The following GRID1 variants were observed in gnomAD, a reference collection of about 807,000 sequenced individuals.
The protein encoded by GRID1 is glutamate receptor ionotropic, delta-1.
A neutral mutation model predicts 98.0 loss-of-function variants in GRID1; 28 were observed. That is an observed-to-expected ratio of 0.29 (90% CI 0.21 to 0.39). GRID1 has a LOEUF of 0.39. Ranked by LOEUF, GRID1 falls within the 10% of genes least tolerant of loss-of-function variation. The pLI is 1.00. For missense variants in GRID1, 1,111 were observed against 1,340.5 expected (o/e 0.83, Z 2.67); for synonymous variants, 553 against 538.5 (o/e 1.03, Z -0.37).
At chr10:86,352,726 C>T (rs954597445) in intron 2 of GRID1, among the ~76,000 whole-genome samples, 2 of 152,186 alleles carry the variant, frequency 1.3e-5, no homozygotes, top group African/African-American at 2.4e-5. Flanking sequence ...CAGTCCATAA[C>T]ACTTCTAGAC....
intron 9 of GRID1, among the ~76,000 whole-genome samples, chr10:85,728,557 G>C (rs1385083853): frequency 6.6e-6 from 1 of 152,222 alleles, no homozygotes; most frequent in Non-Finnish European, 1.5e-5. Context: ...ACCAAGGCCA[G>C]ACCAGAAGCC....
At chr10:86,156,234 T>G (rs1794959199) in intron 3 of GRID1, among the ~76,000 whole-genome samples, 1 of 152,200 alleles carries the variant, frequency 6.6e-6, no homozygotes, top group Non-Finnish European at 1.5e-5. Context: ...AACAGCTCCC[T>G]GCTCTTGTTT....
intron 8 of GRID1, among the ~76,000 whole-genome samples, chr10:85,841,966 C>T (rs925549950): frequency 6.6e-6 from 1 of 152,112 alleles, no homozygotes; most frequent in African/African-American, 2.4e-5. Context: ...CCAGTAATCC[C>T]ATTACTGGGT....
chr10:86,191,055 T>A (rs899848971), intron 3 of GRID1, among the ~76,000 whole-genome samples: 3 of 152,220 alleles, frequency 2.0e-5, no homozygotes, highest in Admixed American at 1.3e-4. Context: ...TCTAACCTAG[T>A]TGCTGAATCG....
In GRID1 at chr10:86,123,616, T is replaced by C. The variant is rs74738258; in HGVS notation, c.726+15203A>G. Among the ~76,000 whole-genome samples the C allele has an allele frequency of 1.9e-4, 29 of 152,254 alleles. No individual in the cohort carries two copies. The East Asian group carries it at 5.4e-3, about 28-fold the overall frequency. On this transcript the variant is annotated intron_variant, in intron 4 of 15. Transcript: ENST00000327946. ...GGTAGCAGCCCTGCCTGATTCTCAT[T>C]AGGTGATGAGCGGAAGGTTTGTGTG...
At chr10:86,048,739 T>C (rs1337898085) in intron 4 of GRID1, among the ~76,000 whole-genome samples, 1 of 152,254 alleles carries the variant, frequency 6.6e-6, no homozygotes, top group African/African-American at 2.4e-5. Flanking sequence ...ACTCACTTTT[T>C]ATTCAGGACA....
intron 2 of GRID1, among the ~76,000 whole-genome samples, chr10:86,207,313 CA>C (rs1245026172): frequency 6.6e-6 from 1 of 152,150 alleles, no homozygotes; most frequent in African/African-American, 2.4e-5. Flanking sequence ...AAGGATTATT[CA>C]AAAGCCACTT....
At chr10:85,785,852 A>C (rs1363740373) in intron 8 of GRID1, among the ~76,000 whole-genome samples, 1 of 152,016 alleles carries the variant, frequency 6.6e-6, no homozygotes, top group African/African-American at 2.4e-5. Context: ...ACAGCAGCCC[A>C]AAGTGCATTA....
chr10:85,738,880 A>G (rs147615864), intron 8 of GRID1, among the ~76,000 whole-genome samples: 112 of 152,280 alleles, frequency 7.4e-4, no homozygotes, highest in African/African-American at 2.6e-3. Context: ...GGAAGGTGGG[A>G]CATTTGGGGC....
intron 8 of GRID1, among the ~76,000 whole-genome samples, chr10:85,790,811 C>T (rs1392836842): frequency 6.6e-6 from 1 of 152,240 alleles, no homozygotes; most frequent in East Asian, 1.9e-4. Flanking sequence ...TCCTCACAAC[C>T]TCTCAAGTGC....
chr10:86,128,446 C>G (rs1024067893), intron 4 of GRID1, among the ~76,000 whole-genome samples: 2 of 152,200 alleles, frequency 1.3e-5, no homozygotes, highest in Non-Finnish European at 2.9e-5. Flanking sequence ...TCCTTTCCCC[C>G]AGGCTCCATG....
In GRID1 at chr10:86,004,574, A is replaced by T. The variant is rs956861890; in HGVS notation, c.727-88335T>A. ...AGGCTGGCCTCTCCCAACAAGAGGG[A>T]ATTTTGCAGCAGATGGCCTTCAAAC... On this transcript the variant is annotated intron_variant, in intron 4 of 15. Coordinates refer to ENST00000327946, the MANE Select transcript of GRID1 (RefSeq NM_017551.3). Among the ~76,000 whole-genome samples, 4 of 152,146 alleles carry T rather than the reference A, an allele frequency of 2.6e-5. No individual in the cohort carries two copies. The East Asian group carries it at 7.7e-4, about 29-fold the overall frequency.
At chr10:86,274,002 A>G (rs1295093528) in intron 2 of GRID1, among the ~76,000 whole-genome samples, 3 of 152,092 alleles carry the variant, frequency 2.0e-5, no homozygotes, top group Admixed American at 2.0e-4. Context: ...CTATGTCCTG[A>G]ATGGTAATGC....
In GRID1 at chr10:86,261,418, C is replaced by A. The variant is rs894699021; in HGVS notation, c.236-54770G>T. Among the ~76,000 whole-genome samples, 4 of 152,232 alleles carry A rather than the reference C, an allele frequency of 2.6e-5. No homozygotes were observed. In the East Asian group the frequency reaches 7.7e-4, roughly 29 times the overall value. On this transcript the variant is annotated intron_variant, in intron 2 of 15. Transcript: ENST00000327946. ...AAAGCACTTAGCACAGAGCCTGGCA[C>A]TGGGCAAATGCTCAGTAGCTGTCAT...
At chr10:85,870,284 G>C (rs1190828219) in intron 5 of GRID1, among the ~76,000 whole-genome samples, 1 of 152,192 alleles carries the variant, frequency 6.6e-6, no homozygotes, top group Non-Finnish European at 1.5e-5. Flanking sequence ...CAGACTCCAA[G>C]TTCTTCAGCT....
intron 8 of GRID1, among the ~76,000 whole-genome samples, chr10:85,812,901 C>T (rs904419748): frequency 6.6e-6 from 1 of 151,798 alleles, no homozygotes; most frequent in Non-Finnish European, 1.5e-5. Flanking sequence ...TATTCCCCTG[C>T]TCTCTTTCAA....
At chr10:85,655,822 C>T (rs375845278) in intron 12 of GRID1, among the ~76,000 whole-genome samples, 1 of 152,158 alleles carries the variant, frequency 6.6e-6, no homozygotes, top group Admixed American at 6.5e-5. Flanking sequence ...GTTTTTACTC[C>T]TATGCATGTC....
intron 4 of GRID1, among the ~76,000 whole-genome samples, chr10:85,988,035 G>A (rs1842633999): frequency 6.6e-6 from 1 of 152,062 alleles, no homozygotes; most frequent in Admixed American, 6.5e-5. Context: ...AAAAACAGAA[G>A]ACCTGCTGAA....
chr10:85,894,030 A>G (rs1174141812), intron 5 of GRID1, among the ~76,000 whole-genome samples: 2 of 152,210 alleles, frequency 1.3e-5, no homozygotes, highest in Non-Finnish European at 1.5e-5. Context: ...AGGACAAGGT[A>G]CAGAACTTTC....
Sources: allele counts gnomAD v4.1 joint callset (sites outside exome capture counted in the v4.1 genomes callset), GRCh38; gene constraint gnomAD v4.1.1; transcripts MANE v1.5; gene names NCBI Gene and HGNC (gene_info 2026-07-23, HGNC 2026-07-21).